Variants in SCN10A observed in about 807,000 individuals in gnomAD.
The protein encoded by SCN10A is sodium channel protein type 10 subunit alpha.
Under a neutral mutation model 170.7 loss-of-function variants are expected in SCN10A, and 162 were observed. That is an observed-to-expected ratio of 0.95 (90% CI 0.84 to 1.08). The LOEUF is 1.08. Ranked by LOEUF, SCN10A falls within the 50% of genes least tolerant of loss-of-function variation. SCN10A has a pLI of 0.00. For missense variants in SCN10A, 2,527 were observed against 2,436.9 expected (o/e 1.04, Z -0.78); for synonymous variants, 985 against 904.6 (o/e 1.09, Z -1.59).
At chr3:38,754,829 G>A (rs1378841631) in intron 11 of SCN10A, among the ~76,000 whole-genome samples, 1 of 152,164 alleles carries the variant, frequency 6.6e-6, no homozygotes, top group Admixed American at 6.5e-5. Flanking sequence ...CAGGAAAAGA[G>A]ATTGAGAGGG....
intron 24 of SCN10A, among the ~76,000 whole-genome samples, chr3:38,710,316 T>C (rs2063259373): frequency 6.6e-6 from 1 of 152,148 alleles, no homozygotes; most frequent in Non-Finnish European, 1.5e-5. Flanking sequence ...CAAGCCGCCA[T>C]GCCCTGCTAA....
At chr3:38,780,447 C>T (rs950426368) in intron 4 of SCN10A, among the ~76,000 whole-genome samples, 1 of 151,820 alleles carries the variant, frequency 6.6e-6, no homozygotes, top group Non-Finnish European at 1.5e-5. Flanking sequence ...GAGTAAAATC[C>T]ATTTATATTT....
Position 38,728,733 on chromosome 3 carries a change from G to C in SCN10A, c.2449C>G (p.Arg817Gly), listed in dbSNP as rs763084100. ...TCATGGGGCGCGGAGATATTTTTTC[G>C]GTTGTTACGGTAGTTTTCCCCTAGG... ...QLLGENYRNN[R>G]KNISAPHEDW... Residue 817 changes from arginine to glycine, a missense_variant, in exon 16 of 28, where the codon CGA becomes GGA. Physicochemically the swap from Arg to Gly is moderately radical, Grantham distance 125. Coordinates refer to ENST00000449082, the MANE Select transcript of SCN10A (RefSeq NM_006514.4). The C allele has an allele frequency of 6.2e-7, 1 of 1,613,996 alleles. No homozygotes were observed. Among genetic ancestry groups the C allele is most frequent in the African/African-American group, 1.3e-5 (1 of 74,902 alleles).
chr3:38,781,180 T>A (rs1390140408), intron 4 of SCN10A, among the ~76,000 whole-genome samples: 1 of 152,056 alleles, frequency 6.6e-6, no homozygotes, highest in Non-Finnish European at 1.5e-5. Flanking sequence ...AAAAAGTGAA[T>A]TTTACTTGAC....
At chr3:38,772,504 G>A (rs1295415247) in intron 4 of SCN10A, among the ~76,000 whole-genome samples, 5 of 151,974 alleles carry the variant, frequency 3.3e-5, no homozygotes, top group Admixed American at 6.6e-5. Flanking sequence ...CCTGGCTAAC[G>A]CGGTGAAACC....
chr3:38,809,969 T>C (rs2064429761), intron 1 of SCN10A, among the ~76,000 whole-genome samples: 1 of 152,216 alleles, frequency 6.6e-6, no homozygotes, highest in Non-Finnish European at 1.5e-5. Context: ...AGTGTTTTTA[T>C]GACTGTGTTT....
chr3:38,697,866 AG>A lies in SCN10A; in HGVS notation c.5353del (p.Leu1785Ter). The A allele has an allele frequency of 6.2e-7, 1 of 1,614,178 alleles. No individual in the cohort carries two copies. Among genetic ancestry groups the A allele is most frequent in the Non-Finnish European group, 8.5e-7 (1 of 1,180,034 alleles). On this transcript the variant is annotated frameshift_variant, in exon 28 of 28. Transcript: ENST00000449082. LOFTEE classifies it high-confidence loss of function. ...LRIPKPNRNI[L>X]IQMDLPLVPG... ...GACCAAAGGCAGGTCCATCTGGATCAGTATATTTCGATTGGGTTTTGGGATT... is the reference window on the plus strand; with the variant it reads ...GACCAAAGGCAGGTCCATCTGGATCATATATTTCGATTGGGTTTTGGGATT...
chr3:38,731,777 T>C (rs1349374803), intron 15 of SCN10A, among the ~76,000 whole-genome samples: 2 of 152,186 alleles, frequency 1.3e-5, no homozygotes, highest in Non-Finnish European at 2.9e-5. Context: ...AAGAGATAAC[T>C]GTGCAGGCCC....
At chr3:38,761,433 G>A (rs746232012) in intron 6 of SCN10A, 50 bp from the exon 7 acceptor site, 17 of 1,492,636 alleles carry the variant, frequency 1.1e-5, no homozygotes, top group Middle Eastern at 2.0e-4. Flanking sequence ...TAGCACACAC[G>A]GAGCACACTT....
At chr3:38,814,477 C>G (rs1254500678) in intron 1 of SCN10A, among the ~76,000 whole-genome samples, 1 of 152,186 alleles carries the variant, frequency 6.6e-6, no homozygotes, top group African/African-American at 2.4e-5. Context: ...TACATGACTG[C>G]ACATGCCCAG....
intron 11 of SCN10A, among the ~76,000 whole-genome samples, chr3:38,753,524 A>C (rs950720737): frequency 1.3e-5 from 2 of 152,180 alleles, no homozygotes; most frequent in Non-Finnish European, 2.9e-5. Flanking sequence ...CTCTCTTGAT[A>C]ATTTGAAGCC....
chr3:38,698,168 G>A lies in SCN10A; in HGVS notation c.5052C>T (p.Asn1684=), dbSNP rs752410640. 2 of 1,614,172 alleles carry A rather than the reference G, an allele frequency of 1.2e-6. No individual in the cohort carries two copies. The highest frequency in any genetic ancestry group is 1.6e-4 in the Middle Eastern group (1 of 6,062). Residue 1684 remains asparagine, a synonymous_variant, in exon 28 of 28, where the codon AAC becomes AAT. Coordinates refer to ENST00000449082, the MANE Select transcript of SCN10A (RefSeq NM_006514.4). ...GPPYCDPNLP[N]SNGTRGDCGS... ...CACAGTCCCCTCTGGTGCCATTGCT[G>A]TTGGGCAGATTGGGGTCACAGTAGG...
At chr3:38,763,445 A>G in intron 6 of SCN10A, 60 bp downstream of exon 6, 1 of 1,324,964 alleles carries the variant, frequency 7.5e-7, no homozygotes, top group Non-Finnish European at 1.1e-6. Context: ...GTTCTTGTGA[A>G]AATTAGAGAA....
chr3:38,710,520 C>G (rs2063261940), intron 24 of SCN10A, among the ~76,000 whole-genome samples: 1 of 152,164 alleles, frequency 6.6e-6, no homozygotes, highest in South Asian at 2.1e-4. Flanking sequence ...CTTGATTTAG[C>G]TACTACCCTT....
intron 4 of SCN10A, among the ~76,000 whole-genome samples, chr3:38,776,070 A>C (rs993366825): frequency 3.9e-5 from 6 of 152,096 alleles, no homozygotes; most frequent in African/African-American, 9.7e-5. Context: ...GGAAGTTTTG[A>C]TAGCTTTATA....
chr3:38,752,369 G>A lies in SCN10A; in HGVS notation c.1605C>T (p.Gly535=), dbSNP rs746006325. 2.5e-6 allele frequency: 4 copies of A among 1,613,992 alleles called. No individual in the cohort carries two copies. In the Admixed American group the frequency reaches 5.0e-5, roughly 20 times the overall value. The part of the protein sequence containing the change: ...VFPGDHESHR[G]SLLLGGGAGQ... ...CAGCACCCCCACCCAGCAGCAGAGA[G>A]CCCCGATGGCTTTCGTGGTCTCCAG... Residue 535 remains glycine (G), a synonymous_variant, in exon 12 of 28, where the codon GGC becomes GGT. Transcript: ENST00000449082.
intron 16 of SCN10A, 79 bp from the exon 17 acceptor site, chr3:38,727,131 C>T: frequency 7.2e-7 from 1 of 1,387,780 alleles, no homozygotes; most frequent in Non-Finnish European, 1.0e-6. Flanking sequence ...TAGCAGCTGG[C>T]TGGCAAGACA....
chr3:38,751,655 C>T (rs2063748119), intron 12 of SCN10A, among the ~76,000 whole-genome samples: 1 of 152,234 alleles, frequency 6.6e-6, no homozygotes, highest in Non-Finnish European at 1.5e-5. Context: ...GAATCCCTGA[C>T]TTGCCATTAC....
chr3:38,713,808 A>G (rs1463775378), intron 22 of SCN10A, 150 bp downstream of exon 22: 46 of 828,696 alleles, frequency 5.6e-5, no homozygotes, highest in Middle Eastern at 3.8e-4. Context: ...TTGTACTTTT[A>G]GCAGAGACAG....
Sources: gnomAD v4.1 joint callset for allele counts (sites outside exome capture counted in the v4.1 genomes callset) on GRCh38, gnomAD v4.1.1 for gene constraint, MANE v1.5 for transcripts, NCBI Gene and HGNC (gene_info 2026-07-23, HGNC 2026-07-21) for gene names.